Variants in POLK observed in about 807,000 individuals in gnomAD.
POLK encodes polymerase (DNA directed) kappa.
In POLK, 76 loss-of-function variants were observed where a neutral mutation model predicts 94.0. That is an observed-to-expected ratio of 0.81 (90% CI 0.67 to 0.98). The LOEUF (loss-of-function observed/expected upper bound fraction) is 0.98, where lower values mean the gene tolerates loss of function less well. Ranked by LOEUF, POLK falls within the 50% of genes least tolerant of loss-of-function variation. The pLI, the probability that POLK is intolerant of heterozygous loss-of-function variation, is 0.00. For missense variants in POLK, 954 were observed against 1,010.1 expected, an observed-to-expected ratio of 0.94 and a Z score of 0.75; for synonymous variants, 349 against 325.4, an observed-to-expected ratio of 1.07 and a Z score of -0.78.
intron 2 of POLK, among the ~76,000 whole-genome samples, chr5:75,549,539 G>A (rs1770232994): frequency 1.3e-5 from 2 of 151,430 alleles, no homozygotes; most frequent in Admixed American, 6.6e-5. Flanking sequence ...AAATATATAG[G>A]TGCATATATA....
chr5:75,533,625 A>G (rs997267053), intron 1 of POLK, among the ~76,000 whole-genome samples: 5 of 152,162 alleles, frequency 3.3e-5, no homozygotes, highest in Admixed American at 6.5e-5. Context: ...AGGTTTGTGA[A>G]GAGTGTCCTT....
chr5:75,559,523 G>GTT (rs775525619), intron 3 of POLK, among the ~76,000 whole-genome samples: 573 of 54,668 alleles, frequency 0.01, 95 homozygotes, highest in African/African-American at 0.037. Context: ...GTTTTGTTTT[G>GTT]TTTTTTTTTT....
chr5:75,566,730 C>T (rs967375168), intron 3 of POLK, among the ~76,000 whole-genome samples: 3 of 152,132 alleles, frequency 2.0e-5, no homozygotes, highest in African/African-American at 7.2e-5. Context: ...TGAGGTGAGC[C>T]GGGTACCTCA....
intron 1 of POLK, among the ~76,000 whole-genome samples, chr5:75,527,502 T>TATATACACACAC (rs555220325): frequency 8.0e-4 from 106 of 133,020 alleles, no homozygotes; most frequent in South Asian, 4.1e-3. Context: ...AATTTATATA[T>TATATACACACAC]ACACACACAC....
At chr5:75,606,719 A>C in the POLK span, among the ~76,000 whole-genome samples, 1 of 151,784 alleles carries the variant, frequency 6.6e-6, no homozygotes, top group Non-Finnish European at 1.5e-5. Flanking sequence ...GTACATAACA[A>C]AATGGAGTCT....
intron 6 of POLK, among the ~76,000 whole-genome samples, chr5:75,577,431 TGCC>T (rs1183485411): frequency 6.6e-6 from 1 of 152,208 alleles, no homozygotes; most frequent in Admixed American, 6.5e-5. Flanking sequence ...CTCCCTTCTT[TGCC>T]TTAGACTTTA....
intron 1 of POLK, among the ~76,000 whole-genome samples, chr5:75,533,281 C>G (rs1178091795): frequency 6.6e-6 from 1 of 152,104 alleles, no homozygotes; most frequent in African/African-American, 2.4e-5. Context: ...ATAAAAGGAT[C>G]TAGTTTCAGT....
At chr5:75,522,486 G>A (rs1337377956) in intron 1 of POLK, among the ~76,000 whole-genome samples, 1 of 152,146 alleles carries the variant, frequency 6.6e-6, no homozygotes, top group East Asian at 1.9e-4. Context: ...ACCGGTTTCA[G>A]AACTCTTAAT....
intron 1 of POLK, among the ~76,000 whole-genome samples, chr5:75,520,436 C>T (rs1353502925): frequency 1.3e-5 from 2 of 152,048 alleles, no homozygotes; most frequent in African/African-American, 2.4e-5. Flanking sequence ...GCCTTGTCAC[C>T]GAGGTTGGAG....
intron 3 of POLK, among the ~76,000 whole-genome samples, chr5:75,562,541 A>G (rs1302928957): frequency 6.6e-6 from 1 of 152,182 alleles, no homozygotes. Context: ...AACTTCCAAT[A>G]CTATGTTGAA....
intron 8 of POLK, among the ~76,000 whole-genome samples, chr5:75,583,959 A>G (rs1375426315): frequency 6.6e-6 from 1 of 152,120 alleles, no homozygotes; most frequent in African/African-American, 2.4e-5. Context: ...ACTGTATATG[A>G]TGTTCTAGGA....
chr5:75,530,441 G>A (rs1156766218), intron 1 of POLK, among the ~76,000 whole-genome samples: 4 of 72,822 alleles, frequency 5.5e-5, no homozygotes, highest in Admixed American at 2.2e-4. Context: ...ATCTCACTTT[G>A]TCATCCAGGC....
At chr5:75,596,496 T>G (rs1242764424) in exon 13 of POLK, 2 of 1,614,050 alleles carry the variant, frequency 1.2e-6, no homozygotes, top group South Asian at 2.2e-5. Flanking sequence ...CATTCCAAGT[T>G]TTAAAGAAGA....
chr5:75,568,795 T>TA, intron 3 of POLK: 1 of 238,180 alleles, frequency 4.2e-6, no homozygotes, highest in Middle Eastern at 4.5e-4. Context: ...AAAGAGGTAC[T>TA]ATATTTTGTT....
chr5:75,592,564 G>A (rs947294166), intron 11 of POLK, among the ~76,000 whole-genome samples: 4 of 151,694 alleles, frequency 2.6e-5, no homozygotes, highest in Non-Finnish European at 4.4e-5. Flanking sequence ...AAATGGTGGC[G>A]GGCACCTGTA....
chr5:75,597,054 G>A, exon 13 of POLK: 1 of 1,613,438 alleles, frequency 6.2e-7, no homozygotes, highest in South Asian at 1.1e-5. Flanking sequence ...TAGAACAAAA[G>A]ACTTCAGATC....
chr5:75,584,683 A>T, intron 8 of POLK, 77 bp from the exon 9 acceptor site: 1 of 861,698 alleles, frequency 1.2e-6, no homozygotes, highest in Non-Finnish European at 1.7e-6. Context: ...AAAAAAAAAA[A>T]AGTGTAATGA....
At chr5:75,588,837 A>G (rs1391924651) in intron 10 of POLK, among the ~76,000 whole-genome samples, 1 of 152,168 alleles carries the variant, frequency 6.6e-6, no homozygotes, top group Non-Finnish European at 1.5e-5. Flanking sequence ...CCTCCTTCTT[A>G]TAAGGACCCT....
chr5:75,535,643 A>T (rs1485139550), intron 1 of POLK, among the ~76,000 whole-genome samples: 1 of 151,920 alleles, frequency 6.6e-6, no homozygotes, highest in Non-Finnish European at 1.5e-5. Flanking sequence ...GGTTTTGTTC[A>T]GTCTTCTTTA....
Sources: gnomAD v4.1 joint callset for allele counts (sites outside exome capture counted in the v4.1 genomes callset) on GRCh38, gnomAD v4.1.1 for gene constraint, MANE v1.5 for transcripts, NCBI Gene and HGNC (gene_info 2026-07-23, HGNC 2026-07-21) for gene names.